BMERB1: variants seen among roughly 807,000 people sequenced by gnomAD.
The protein encoded by BMERB1 is bMERB domain-containing protein 1.
BMERB1 carries 12 observed loss-of-function variants against 23.6 expected under a neutral mutation model. That is an observed-to-expected ratio of 0.51 (90% CI 0.33 to 0.82). The LOEUF is 0.82. Ranked by LOEUF, BMERB1 falls within the 40% of genes least tolerant of loss-of-function variation. The pLI is 0.03. For synonymous variants in BMERB1, 122 were observed against 96.6 expected (o/e 1.26, Z -1.54); for missense variants, 247 against 255.4 (o/e 0.97, Z 0.22).
chr16:15,576,830 C>A (rs1219124010), intron 3 of BMERB1, among the ~76,000 whole-genome samples: 1 of 151,930 alleles, frequency 6.6e-6, no homozygotes, highest in Non-Finnish European at 1.5e-5. Context: ...CAGACACTGA[C>A]ATACAGAGGA....
Position 15,482,970 on chromosome 16 carries a change from CAT to C in BMERB1, c.107-32333_107-32332del, listed in dbSNP as rs1189759289. Reference sequence around the variant, plus strand: ...TACACACACACACGCGCGTAAAACACATAGAAAAAAATCACCCACAATTCTAC... The same window carrying C: ...TACACACACACACGCGCGTAAAACACAGAAAAAAATCACCCACAATTCTAC... On this transcript the variant is annotated intron_variant, in intron 1 of 5. Coordinates refer to ENST00000300006, the MANE Select transcript of BMERB1 (RefSeq NM_033201.3). 2.0e-5 allele frequency among the ~76,000 whole-genome samples: 3 copies of C among 152,074 alleles called. No individual in the cohort carries two copies. In the East Asian group the frequency reaches 5.8e-4, roughly 29 times the overall value.
chr16:15,532,527 C>CAGA (rs2051978267), intron 2 of BMERB1, among the ~76,000 whole-genome samples: 1 of 137,932 alleles, frequency 7.2e-6, no homozygotes. Context: ...TATGCCCGGC[C>CAGA]TTTTTTTTTT....
intron 2 of BMERB1, among the ~76,000 whole-genome samples, chr16:15,519,024 T>C (rs950989647): frequency 2.6e-5 from 4 of 151,196 alleles, no homozygotes; most frequent in Non-Finnish European, 5.9e-5. Context: ...ATTTGTCAAA[T>C]GTGCAATAAA....
At chr16:15,512,700 G>A (rs2150949805) in intron 1 of BMERB1, among the ~76,000 whole-genome samples, 1 of 152,114 alleles carries the variant, frequency 6.6e-6, no homozygotes, top group Admixed American at 6.6e-5. Context: ...CCAACATGGT[G>A]AAACCCCAAC....
At chr16:15,541,904 AATTTTTTT>A (rs1941536258) in intron 2 of BMERB1, among the ~76,000 whole-genome samples, 2 of 96,044 alleles carry the variant, frequency 2.1e-5, no homozygotes, top group South Asian at 3.3e-4. Context: ...ACCCGGCCTA[AATTTTTTT>A]TTTTTTTTTT....
intron 2 of BMERB1, among the ~76,000 whole-genome samples, chr16:15,567,439 A>G (rs760839516): frequency 2.6e-5 from 4 of 152,096 alleles, no homozygotes; most frequent in African/African-American, 7.2e-5. Flanking sequence ...AAGGAGCTCT[A>G]TCGAGGTGTT....
intron 1 of BMERB1, 122 bp downstream of exon 1, chr16:15,434,881 G>C: frequency 1.3e-6 from 1 of 799,278 alleles, no homozygotes; most frequent in Non-Finnish European, 2.0e-6. Context: ...CCGCAGCGGG[G>C]CTGGCAGCTC....
intron 2 of BMERB1, among the ~76,000 whole-genome samples, chr16:15,524,129 A>G (rs575610571): frequency 6.6e-6 from 1 of 152,300 alleles, no homozygotes; most frequent in Admixed American, 6.5e-5. Context: ...AACTTGACAC[A>G]TTTCAGCCAC....
intron 2 of BMERB1, among the ~76,000 whole-genome samples, chr16:15,537,778 C>A (rs1265105433): frequency 1.3e-5 from 2 of 152,030 alleles, no homozygotes; most frequent in Non-Finnish European, 2.9e-5. Flanking sequence ...CTGCCTCAGC[C>A]CCTTGAGTAG....
intron 1 of BMERB1, among the ~76,000 whole-genome samples, chr16:15,514,363 T>C (rs943136472): frequency 1.8e-4 from 28 of 152,284 alleles, no homozygotes; most frequent in African/African-American, 6.5e-4. Context: ...CGGCTGGTCT[T>C]AGAGGCTTAG....
Position 15,588,017 on chromosome 16 carries a change from G to A in BMERB1, c.*1188G>A, listed in dbSNP as rs1567510043. On this transcript the variant is annotated 3_prime_UTR_variant, in exon 6 of 6. Transcript: ENST00000300006. ...ATTATGGAAGTAATCCATGTACATA[G>A]TAAATCATTTTAAAAGTACAAAAAG... 6.6e-6 allele frequency: 1 copy of A among 150,654 alleles called. No individual in the cohort carries two copies. Among genetic ancestry groups the A allele is most frequent in the Non-Finnish European group, 1.5e-5 (1 of 67,884 alleles). The allele number at this position is 150,654 out of a possible 1,614,324, so 9.3% of individuals were successfully genotyped here.
chr16:15,549,509 TCTC>T (rs1019067361), intron 2 of BMERB1, among the ~76,000 whole-genome samples: 3 of 151,428 alleles, frequency 2.0e-5, no homozygotes, highest in African/African-American at 7.3e-5. Context: ...TGAAACCCTG[TCTC>T]TACTAAAAAT....
rs907137545 is a variant in BMERB1, at chr16:15,534,165, A to T, written c.230+18737A>T. ...GGTGTCATTGATCTCTTCACAGCAG[A>T]CAGCTTAAAAACCATGACCAGTGAC... On this transcript the variant is annotated intron_variant, in intron 2 of 5. Transcript: ENST00000300006. 2.6e-5 allele frequency among the ~76,000 whole-genome samples: 4 copies of T among 151,932 alleles called. No individual in the cohort carries two copies. In the East Asian group the frequency reaches 7.7e-4, roughly 29 times the overall value.
intron 1 of BMERB1, among the ~76,000 whole-genome samples, chr16:15,477,556 G>C (rs745859247): frequency 6.6e-6 from 1 of 152,070 alleles, no homozygotes; most frequent in African/African-American, 2.4e-5. Context: ...ACTTGAGCCT[G>C]GGAGGTTGAG....
rs1425318941 is a variant in BMERB1, at chr16:15,435,929, T to C, written c.106+1170T>C. Among the ~76,000 whole-genome samples the C allele has an allele frequency of 2.6e-5, 4 of 152,160 alleles. No individual in the cohort carries two copies. In the East Asian group the frequency reaches 5.8e-4, roughly 22 times the overall value. Reference sequence around the variant, plus strand: ...CACTGCCAACCTCTTTCCTTTTCTTTTTTTTTCTCCCTTTTTAACCTTGGT... The same window carrying C: ...CACTGCCAACCTCTTTCCTTTTCTTCTTTTTTCTCCCTTTTTAACCTTGGT... On this transcript the variant is annotated intron_variant, in intron 1 of 5. Transcript: ENST00000300006.
At chr16:15,454,210 C>T (rs541422640) in intron 1 of BMERB1, among the ~76,000 whole-genome samples, 2 of 152,266 alleles carry the variant, frequency 1.3e-5, no homozygotes, top group South Asian at 2.1e-4. Flanking sequence ...TAATGTTGGA[C>T]AAATTAGATG....
rs79693415 is a variant in BMERB1 at position 15,446,917 on chromosome 16, T to C, written c.106+12158T>C. Among the ~76,000 whole-genome samples, 59 of 152,264 alleles carry C rather than the reference T, an allele frequency of 3.9e-4. 1 individual carries two copies. The East Asian group carries it at 0.011, about 28-fold the overall frequency. On this transcript the variant is annotated intron_variant, in intron 1 of 5. Coordinates refer to ENST00000300006, the MANE Select transcript of BMERB1 (RefSeq NM_033201.3). The stretch of plus-strand genomic sequence containing the variant: ...AGAGCCTTTCTGTTTTGAAGACTTG[T>C]AGCTTCACAAAGAAAGGCTTTCTTT...
intron 2 of BMERB1, among the ~76,000 whole-genome samples, chr16:15,555,647 C>T (rs989855223): frequency 4.6e-5 from 7 of 152,150 alleles, no homozygotes; most frequent in Admixed American, 2.0e-4. Context: ...AGAAAACAGA[C>T]ATATTGGCCT....
intron 1 of BMERB1, among the ~76,000 whole-genome samples, chr16:15,477,252 G>A (rs1352947221): frequency 6.6e-6 from 1 of 152,128 alleles, no homozygotes; most frequent in African/African-American, 2.4e-5. Context: ...AGTGCAAGCA[G>A]GGGAAATGCC....
Sources: gnomAD v4.1 joint callset for allele counts (sites outside exome capture counted in the v4.1 genomes callset) on GRCh38, gnomAD v4.1.1 for gene constraint, MANE v1.5 for transcripts, NCBI Gene and HGNC (gene_info 2026-07-23, HGNC 2026-07-21) for gene names.